Variants in CRCP observed in about 807,000 individuals in gnomAD.
CRCP encodes CGRP receptor component, also known as DNA-directed RNA polymerase III subunit RPC9.
CRCP carries 18 observed loss-of-function variants against 18.5 expected under a neutral mutation model. The observed-to-expected ratio is 0.97, with a 90% CI of 0.67 to 1.44. CRCP has a LOEUF of 1.44. CRCP is among the 40% of genes most tolerant of loss of function. CRCP has a pLI of 0.00. For synonymous variants in CRCP, 53 were observed against 62.9 expected (o/e 0.84, Z 0.75); for missense variants, 130 against 176.4 (o/e 0.74, Z 1.49).
At chr7:66,151,308 G>A (rs181265000) in intron 5 of CRCP, among the ~76,000 whole-genome samples, 4 of 151,894 alleles carry the variant, frequency 2.6e-5, no homozygotes, top group African/African-American at 7.3e-5. Context: ...AGTGGCTCAC[G>A]CCTGTAATCC....
rs1335170624 is a variant in CRCP at position 66,130,728 on chromosome 7, T to C, written c.46-16T>C. ...TCAAATTTATTCATAAACGTCTTTT[T>C]TGTATCTCCTCCTAGGTATTTCAGT... On this transcript the variant is annotated splice_polypyrimidine_tract_variant and intron_variant, in intron 2 of 5. Coordinates refer to ENST00000395326, the MANE Select transcript of CRCP (RefSeq NM_014478.5). The C allele has an allele frequency of 6.7e-7, 1 of 1,491,610 alleles. No homozygotes were observed. Among genetic ancestry groups the C allele is most frequent in the Non-Finnish European group, 9.3e-7 (1 of 1,076,778 alleles). 92.4% of individuals were successfully genotyped at this position (1,491,610 alleles called of 1,614,324 possible).
At chr7:66,117,144 C>G (rs530085483) in intron 1 of CRCP, among the ~76,000 whole-genome samples, 5 of 150,988 alleles carry the variant, frequency 3.3e-5, no homozygotes, top group African/African-American at 1.2e-4. Flanking sequence ...AAAACCTGAT[C>G]CCTCCATCTT....
intron 1 of CRCP, among the ~76,000 whole-genome samples, chr7:66,124,338 A>C (rs904545715): frequency 1.3e-5 from 2 of 151,638 alleles, no homozygotes; most frequent in Non-Finnish European, 2.9e-5. Flanking sequence ...CCAGCCTGGG[A>C]GACAGAGCGA....
rs889107033 is a variant in CRCP, at chr7:66,151,751, T to C, written c.298-457T>C. 1.5e-4 allele frequency among the ~76,000 whole-genome samples: 15 copies of C among 102,586 alleles called. 1 individual carries two copies. Among genetic ancestry groups the C allele is most frequent in the African/African-American group, 5.3e-4 (14 of 26,244 alleles). The allele number at this position is 102,586 out of a possible 152,430, so 67.3% of individuals were successfully genotyped here. On this transcript the variant is annotated intron_variant, in intron 5 of 5. Transcript: ENST00000395326. ...ACTTAGCTTTTTCCTTTTTTTCTTT[T>C]CTTTTTTTTTTTTTTTTTTTAGACA...
chr7:66,129,565 C>T (rs1280019720), intron 2 of CRCP, among the ~76,000 whole-genome samples: 1 of 151,732 alleles, frequency 6.6e-6, no homozygotes, highest in Non-Finnish European at 1.5e-5. Flanking sequence ...TGGTGCTCCC[C>T]TCCCCCGCCC....
At chr7:66,117,235 C>A (rs1787296733) in intron 1 of CRCP, among the ~76,000 whole-genome samples, 1 of 152,042 alleles carries the variant, frequency 6.6e-6, no homozygotes. Flanking sequence ...TAGAAACTTT[C>A]CTTTTCTTGT....
At chr7:66,134,545 C>A in intron 4 of CRCP, 171 bp downstream of exon 4, 2 of 290,836 alleles carry the variant, frequency 6.9e-6, no homozygotes, top group Non-Finnish European at 1.2e-5. Flanking sequence ...AGGAACAAAT[C>A]TTTTTTTTTT....
At chr7:66,147,858 A>C (rs1788344806) in intron 5 of CRCP, among the ~76,000 whole-genome samples, 3 of 151,964 alleles carry the variant, frequency 2.0e-5, no homozygotes, top group African/African-American at 7.3e-5. Context: ...CAGGAATTCA[A>C]AACCAGCCTG....
In CRCP at chr7:66,127,709, A is replaced by G. The variant is rs754499044; in HGVS notation, c.14A>G (p.Asp5Gly). The change falls in exon 2 of 6, where the codon GAT (aspartate) becomes GGT (glycine). Residue 5 changes from aspartate to glycine, a missense_variant. Physicochemically the swap from Asp to Gly is moderately conservative, Grantham distance 94 (BLOSUM62 -1). Transcript: ENST00000395326. The part of the protein sequence containing the change: MEVK[D>G]ANSALLSNYE... ...AGCTTACTTTTCTTTTTCAGGAAGG[A>G]TGCCAATTCTGCGCTTCTCAGTAAC... 1.9e-6 allele frequency: 3 copies of G among 1,614,060 alleles called. No individual in the cohort carries two copies. The highest frequency in any genetic ancestry group is 2.5e-6 in the Non-Finnish European group (3 of 1,180,032).
chr7:66,147,278 G>A (rs1318074762), intron 5 of CRCP, among the ~76,000 whole-genome samples: 1 of 151,404 alleles, frequency 6.6e-6, no homozygotes, highest in Non-Finnish European at 1.5e-5. Flanking sequence ...GGCCAAGGTT[G>A]CAGTGAGCCA....
At chr7:66,132,458 G>T (rs1011147271) in intron 3 of CRCP, among the ~76,000 whole-genome samples, 2 of 152,180 alleles carry the variant, frequency 1.3e-5, no homozygotes, top group Admixed American at 6.5e-5. Flanking sequence ...TTTTGAGGAA[G>T]AGTACCACAG....
At chr7:66,126,001 A>G (rs1020450340) in intron 1 of CRCP, among the ~76,000 whole-genome samples, 4 of 149,304 alleles carry the variant, frequency 2.7e-5, no homozygotes, top group Admixed American at 1.3e-4. Flanking sequence ...TTTTAAATGA[A>G]CTCTGTCACA....
At chr7:66,151,422 A>G (rs1788454225) in intron 5 of CRCP, among the ~76,000 whole-genome samples, 2 of 152,058 alleles carry the variant, frequency 1.3e-5, no homozygotes, top group Non-Finnish European at 2.9e-5. Flanking sequence ...ACGAACAGTT[A>G]ACTGTCTGTG....
rs1584072319 is a variant in CRCP, at chr7:66,128,628, TAAAAAA to T, written c.45+889_45+894del. ...AACATGGTGAAACCCCATCCCTACTTAAAAAATAAAAAAAGAGAGTGAGTTTAGTTG... is the reference window on the plus strand; with the variant it reads ...AACATGGTGAAACCCCATCCCTACTTTAAAAAAAGAGAGTGAGTTTAGTTG... On this transcript the variant is annotated intron_variant, in intron 2 of 5. Coordinates refer to ENST00000395326, the MANE Select transcript of CRCP (RefSeq NM_014478.5). 3 of 151,620 alleles carry T rather than the reference TAAAAAA, an allele frequency of 2.0e-5. No homozygotes were observed. In the East Asian group the frequency reaches 5.9e-4, roughly 30 times the overall value. 9.4% of individuals were successfully genotyped at this position (151,620 alleles called of 1,614,324 possible). A position where few individuals can be genotyped will look rare whatever the true frequency, so the allele number is the denominator to read the frequency against.
At chr7:66,115,229 GC>G (rs1787221334) in intron 1 of CRCP, among the ~76,000 whole-genome samples, 1 of 152,168 alleles carries the variant, frequency 6.6e-6, no homozygotes, top group Non-Finnish European at 1.5e-5. Context: ...CTTTCAATGT[GC>G]CCCCTCCTTC....
intron 5 of CRCP, 124 bp from the exon 6 acceptor site, chr7:66,152,084 G>A: frequency 1.9e-6 from 2 of 1,041,416 alleles, no homozygotes; most frequent in Admixed American, 2.3e-5. Context: ...GAGGACTCAC[G>A]AGGACCCAGG....
chr7:66,116,375 G>C (rs1044772615), intron 1 of CRCP, among the ~76,000 whole-genome samples: 1 of 150,684 alleles, frequency 6.6e-6, no homozygotes, highest in Non-Finnish European at 1.5e-5. Flanking sequence ...CATGCCTGTA[G>C]TCTCAGCTAC....
At chr7:66,151,581 A>C (rs1788462179) in intron 5 of CRCP, among the ~76,000 whole-genome samples, 3 of 152,070 alleles carry the variant, frequency 2.0e-5, no homozygotes, top group South Asian at 4.1e-4. Context: ...CCCCCAAAAA[A>C]AAAATTACAG....
intron 4 of CRCP, among the ~76,000 whole-genome samples, chr7:66,139,950 G>A (rs550229788): frequency 1.3e-5 from 2 of 152,292 alleles, no homozygotes; most frequent in South Asian, 4.1e-4. Flanking sequence ...CACAAGTTCC[G>A]AGTTTCTCTC....
Sources: gnomAD v4.1 joint callset for allele counts (sites outside exome capture counted in the v4.1 genomes callset) on GRCh38, gnomAD v4.1.1 for gene constraint, MANE v1.5 for transcripts, NCBI Gene and HGNC (gene_info 2026-07-23, HGNC 2026-07-21) for gene names.